The following DLGAP2 variants were observed in gnomAD, a reference collection of about 807,000 sequenced individuals.
DLGAP2 encodes the protein DLG associated protein 2.
Under a neutral mutation model 100.3 loss-of-function variants are expected in DLGAP2, and 26 were observed. The observed-to-expected ratio is 0.26, with a 90% CI of 0.19 to 0.36. DLGAP2 has a LOEUF of 0.36. DLGAP2 is among the 10% of genes least tolerant of loss of function. The pLI is 1.00. For missense variants in DLGAP2, 1,858 were observed against 1,453.2 expected (o/e 1.28, Z -4.53); for synonymous variants, 886 against 630.1 (o/e 1.41, Z -6.08).
At chr8:925,956 A>G (rs1055411955) in intron 2 of DLGAP2, among the ~76,000 whole-genome samples, 3 of 152,154 alleles carry the variant, frequency 2.0e-5, no homozygotes, top group African/African-American at 7.2e-5. Flanking sequence ...AGGAGCGGAT[A>G]TGTCATGGAG....
intron 2 of DLGAP2, among the ~76,000 whole-genome samples, chr8:915,159 C>A (rs1168298788): frequency 6.6e-6 from 1 of 152,194 alleles, no homozygotes; most frequent in African/African-American, 2.4e-5. Flanking sequence ...AGAGCCCTGT[C>A]TTGAAGACGT....
intron 3 of DLGAP2, among the ~76,000 whole-genome samples, chr8:1,349,149 C>G (rs111491527): frequency 3.3e-5 from 5 of 151,132 alleles, no homozygotes; most frequent in African/African-American, 1.2e-4. Flanking sequence ...TTTCCCTTCC[C>G]GTTCACCTAA....
chr8:1,124,731 G>T (rs1006631493), intron 2 of DLGAP2, among the ~76,000 whole-genome samples: 1 of 152,186 alleles, frequency 6.6e-6, no homozygotes, highest in African/African-American at 2.4e-5. Flanking sequence ...ATAACCATCA[G>T]TGTCATTGCT....
intron 1 of DLGAP2, among the ~76,000 whole-genome samples, chr8:831,486 A>C (rs1321855090): frequency 1.3e-5 from 2 of 151,892 alleles, no homozygotes; most frequent in African/African-American, 2.4e-5. Flanking sequence ...TGTCCTTGTG[A>C]TAGTTTGCTG....
intron 2 of DLGAP2, among the ~76,000 whole-genome samples, chr8:1,057,074 A>G (rs1175154894): frequency 6.6e-6 from 1 of 152,244 alleles, no homozygotes; most frequent in African/African-American, 2.4e-5. Context: ...TGTGAGATAC[A>G]TATTTTTCTG....
intron 2 of DLGAP2, chr8:1,018,934 C>T (rs1355514296): frequency 6.6e-6 from 1 of 152,108 alleles, no homozygotes; most frequent in Non-Finnish European, 1.5e-5. Context: ...ATTAGAACAG[C>T]CTTCACCATG....
chr8:1,227,338 A>T (rs892565580), intron 2 of DLGAP2, among the ~76,000 whole-genome samples: 38 of 142,738 alleles, frequency 2.7e-4, no homozygotes, highest in Non-Finnish European at 5.3e-4. Flanking sequence ...GTCTGTTTTT[A>T]TTTTTTTTTT....
chr8:1,056,315 A>C (rs1435061316), intron 2 of DLGAP2, among the ~76,000 whole-genome samples: 1 of 152,032 alleles, frequency 6.6e-6, no homozygotes, highest in African/African-American at 2.4e-5. Context: ...GTTTCACATA[A>C]CTGTTCCGTG....
chr8:1,497,808 C>T (rs1393981263), intron 3 of DLGAP2, among the ~76,000 whole-genome samples: 1 of 152,204 alleles, frequency 6.6e-6, no homozygotes, highest in East Asian at 1.9e-4. Flanking sequence ...CCTGAAACCT[C>T]AGCCAGTACC....
chr8:1,249,103 G>T (rs181945824), intron 2 of DLGAP2, among the ~76,000 whole-genome samples: 5 of 152,314 alleles, frequency 3.3e-5, no homozygotes, highest in Admixed American at 2.6e-4. Context: ...CAACACGAGT[G>T]TCCTGCATGC....
intron 2 of DLGAP2, among the ~76,000 whole-genome samples, chr8:1,122,975 G>T (rs1251385810): frequency 6.6e-6 from 1 of 152,192 alleles, no homozygotes; most frequent in East Asian, 1.9e-4. Flanking sequence ...GCCAGATAGA[G>T]GGTGATCAGG....
chr8:1,433,029 T>C (rs1261310369), intron 3 of DLGAP2, among the ~76,000 whole-genome samples: 1 of 152,152 alleles, frequency 6.6e-6, no homozygotes, highest in East Asian at 1.9e-4. Flanking sequence ...CAGTCTGCTC[T>C]CCTCATGATT....
chr8:1,673,450 T>C (rs1297739911), intron 10 of DLGAP2, among the ~76,000 whole-genome samples: 4 of 152,266 alleles, frequency 2.6e-5, no homozygotes, highest in African/African-American at 9.6e-5. Context: ...GATTTTACCA[T>C]GTCCCCTTCA....
chr8:1,652,377 C>G (rs1798187416), intron 8 of DLGAP2, among the ~76,000 whole-genome samples: 2 of 152,288 alleles, frequency 1.3e-5, no homozygotes, highest in Admixed American at 1.3e-4. Context: ...CTGCTGAATT[C>G]CCGTGCCTAG....
intron 2 of DLGAP2, among the ~76,000 whole-genome samples, chr8:1,093,136 GGGTGA>G (rs1804240366): frequency 6.6e-6 from 1 of 152,302 alleles, no homozygotes; most frequent in South Asian, 2.1e-4. Flanking sequence ...CCAGCAGACT[GGGTGA>G]GGCCCACGGT....
intron 13 of DLGAP2, among the ~76,000 whole-genome samples, chr8:1,692,613 T>C (rs1799281759): frequency 1.3e-5 from 2 of 152,100 alleles, no homozygotes. Context: ...ACAAGGGAAA[T>C]TTCTATTACG....
At chr8:964,677 C>G (rs968282566) in intron 2 of DLGAP2, among the ~76,000 whole-genome samples, 3 of 152,228 alleles carry the variant, frequency 2.0e-5, no homozygotes, top group African/African-American at 7.2e-5. Flanking sequence ...CTTCAGGGGT[C>G]CCAGTGTGGC....
intron 1 of DLGAP2, among the ~76,000 whole-genome samples, chr8:802,221 C>T (rs1796181704): frequency 2.6e-5 from 4 of 151,260 alleles, no homozygotes; most frequent in African/African-American, 7.3e-5. Context: ...CCTCCATCCT[C>T]ATGGCCTGGG....
intron 3 of DLGAP2, among the ~76,000 whole-genome samples, chr8:1,373,471 C>G (rs1242910243): frequency 6.6e-6 from 1 of 152,146 alleles, no homozygotes; most frequent in African/African-American, 2.4e-5. Context: ...GACCCGAATC[C>G]GGGATCAGGT....
Sources: gnomAD v4.1 joint callset for allele counts (sites outside exome capture counted in the v4.1 genomes callset) on GRCh38, gnomAD v4.1.1 for gene constraint, MANE v1.5 for transcripts, NCBI Gene and HGNC (gene_info 2026-07-23, HGNC 2026-07-21) for gene names.